The following PLCB1 variants were observed in gnomAD, a reference collection of about 807,000 sequenced individuals.
PLCB1 encodes the protein 1-phosphatidylinositol 4,5-bisphosphate phosphodiesterase beta-1.
PLCB1 carries 46 observed loss-of-function variants against 161.8 expected under a neutral mutation model. That is an observed-to-expected ratio of 0.28 (90% CI 0.22 to 0.36). The LOEUF (loss-of-function observed/expected upper bound fraction) is 0.36. Ranked by LOEUF, PLCB1 falls within the 10% of genes least tolerant of loss-of-function variation. The pLI is 1.00. For missense variants in PLCB1, 1,016 were observed against 1,472.5 expected (o/e 0.69, Z 5.07); for synonymous variants, 517 against 503.7 (o/e 1.03, Z -0.35).
At chr20:8,204,358 A>T (rs1016248716) in intron 2 of PLCB1, among the ~76,000 whole-genome samples, 2 of 152,168 alleles carry the variant, frequency 1.3e-5, no homozygotes, top group African/African-American at 2.4e-5. Context: ...TTGATCATTC[A>T]TCCTGTCATT....
intron 9 of PLCB1, among the ~76,000 whole-genome samples, chr20:8,675,103 G>A (rs1240313605): frequency 6.6e-6 from 1 of 152,100 alleles, no homozygotes; most frequent in Non-Finnish European, 1.5e-5. Context: ...ATTGAATCAA[G>A]TATCAACATA....
chr20:8,568,322 G>A (rs1168544180), intron 3 of PLCB1, among the ~76,000 whole-genome samples: 2 of 152,064 alleles, frequency 1.3e-5, no homozygotes, highest in Non-Finnish European at 2.9e-5. Context: ...TTACTGCGTG[G>A]GCTTTTCTTA....
intron 3 of PLCB1, among the ~76,000 whole-genome samples, chr20:8,409,237 T>C (rs2122504249): frequency 6.6e-6 from 1 of 152,272 alleles, no homozygotes; most frequent in South Asian, 2.1e-4. Context: ...TGCAACTGCC[T>C]ATGACATTCT....
At chr20:8,880,703 C>A (rs568708801) in intron 31 of PLCB1, among the ~76,000 whole-genome samples, 1 of 152,154 alleles carries the variant, frequency 6.6e-6, no homozygotes, top group Admixed American at 6.5e-5. Flanking sequence ...TACTCAGCTT[C>A]TTAGCTTCCC....
At chr20:8,236,060 C>T (rs1400294984) in intron 2 of PLCB1, among the ~76,000 whole-genome samples, 1 of 152,054 alleles carries the variant, frequency 6.6e-6, no homozygotes, top group African/African-American at 2.4e-5. Context: ...GTTTTTCAAA[C>T]TTGGAAAATG....
At chr20:8,294,023 A>G (rs1286840529) in intron 2 of PLCB1, among the ~76,000 whole-genome samples, 1 of 152,162 alleles carries the variant, frequency 6.6e-6, no homozygotes, top group Non-Finnish European at 1.5e-5. Flanking sequence ...GATTAATAGA[A>G]CATCCACTGT....
chr20:8,190,299 A>C (rs2051954206), intron 2 of PLCB1, among the ~76,000 whole-genome samples: 1 of 152,112 alleles, frequency 6.6e-6, no homozygotes, highest in Non-Finnish European at 1.5e-5. Flanking sequence ...TTCTCGGATA[A>C]GTAGTTTCTT....
chr20:8,267,052 G>GA (rs796097080), intron 2 of PLCB1, among the ~76,000 whole-genome samples: 1,698 of 148,266 alleles, frequency 0.011, 30 homozygotes, highest in African/African-American at 0.038. Context: ...AAAAAAAAGG[G>GA]AAAAAAAAAG....
chr20:8,489,260 A>T (rs898523796), intron 3 of PLCB1, among the ~76,000 whole-genome samples: 1 of 152,156 alleles, frequency 6.6e-6, no homozygotes, highest in Non-Finnish European at 1.5e-5. Flanking sequence ...TGCCTAGAGG[A>T]TGGTGTATTT....
At chr20:8,632,081 G>A (rs76909540) in intron 4 of PLCB1, among the ~76,000 whole-genome samples, 16,387 of 108,130 alleles carry the variant, frequency 0.15, 1,189 homozygotes, top group Middle Eastern at 0.29. Flanking sequence ...TGCTGAAAAA[G>A]GTAAGACTTT....
chr20:8,465,221 TG>T (rs1981766346), intron 3 of PLCB1, among the ~76,000 whole-genome samples: 2 of 152,172 alleles, frequency 1.3e-5, no homozygotes, highest in Non-Finnish European at 2.9e-5. Flanking sequence ...GGATGATTTT[TG>T]TTTGCTTCAA....
chr20:8,716,312 G>A lies in PLCB1; in HGVS notation c.1299G>A (p.Gly433=). 1 of 1,614,044 alleles carries A rather than the reference G, an allele frequency of 6.2e-7. No individual in the cohort carries two copies. Among genetic ancestry groups the A allele is most frequent in the Non-Finnish European group, 8.5e-7 (1 of 1,179,936 alleles). Residue 433 remains glycine (G), a synonymous_variant, in exon 13 of 32, where the codon GGG becomes GGA. Coordinates refer to ENST00000338037, the MANE Select transcript of PLCB1 (RefSeq NM_015192.4). ...CGGAGTACTGCCGACTGATCTTTGGGGATGCCCTTCTCATGGAGCCCCTGG... is the reference window on the plus strand; with the variant it reads ...CGGAGTACTGCCGACTGATCTTTGGAGATGCCCTTCTCATGGAGCCCCTGG... The part of the protein sequence containing the change: ...KMAEYCRLIF[G]DALLMEPLEK...
At position 8,338,244 on chromosome 20, in the gene PLCB1, T is replaced by C. The variant is rs539299931; in HGVS notation, c.178-33138T>C. 3.3e-5 allele frequency among the ~76,000 whole-genome samples: 5 copies of C among 152,352 alleles called. No individual in the cohort carries two copies. In the South Asian group the frequency reaches 8.3e-4, roughly 25 times the overall value. ...GGCAGGATTTTAACAATGAGAGGCATGTTAATTATTCACGGAGTTTTGCAC... is the reference window on the plus strand; with the variant it reads ...GGCAGGATTTTAACAATGAGAGGCACGTTAATTATTCACGGAGTTTTGCAC... On this transcript the variant is annotated intron_variant, in intron 2 of 31. Transcript: ENST00000338037.
At chr20:8,747,825 G>T (rs181782816) in intron 23 of PLCB1, among the ~76,000 whole-genome samples, 3 of 151,842 alleles carry the variant, frequency 2.0e-5, no homozygotes, top group Non-Finnish European at 4.4e-5. Context: ...TTCAGTGTAT[G>T]GCCCCAATTT....
At chr20:8,273,089 G>T (rs1982363661) in intron 2 of PLCB1, among the ~76,000 whole-genome samples, 1 of 152,104 alleles carries the variant, frequency 6.6e-6, no homozygotes, top group Non-Finnish European at 1.5e-5. Flanking sequence ...AAGTTTAAGA[G>T]ACAGCAATAA....
At chr20:8,187,931 G>T (rs1399003040) in intron 2 of PLCB1, among the ~76,000 whole-genome samples, 1 of 152,056 alleles carries the variant, frequency 6.6e-6, no homozygotes, top group Non-Finnish European at 1.5e-5. Flanking sequence ...CCACTTTATT[G>T]CTGTATGAAT....
chr20:8,527,182 A>T (rs1008058712), intron 3 of PLCB1, among the ~76,000 whole-genome samples: 20 of 152,236 alleles, frequency 1.3e-4, no homozygotes, highest in Admixed American at 9.2e-4. Flanking sequence ...AAATGGGTAT[A>T]ATTGTATCTT....
At chr20:8,519,294 C>T (rs767433808) in intron 3 of PLCB1, among the ~76,000 whole-genome samples, 5 of 152,002 alleles carry the variant, frequency 3.3e-5, no homozygotes, top group East Asian at 3.9e-4. Flanking sequence ...TAGTAGACAA[C>T]GTGTGTGAGT....
intron 31 of PLCB1, among the ~76,000 whole-genome samples, chr20:8,819,297 A>G (rs1463260678): frequency 2.6e-5 from 4 of 152,198 alleles, no homozygotes; most frequent in Non-Finnish European, 5.9e-5. Flanking sequence ...CATTGAAAGA[A>G]CTATTATTAT....
Sources: allele counts gnomAD v4.1 joint callset (sites outside exome capture counted in the v4.1 genomes callset), GRCh38; gene constraint gnomAD v4.1.1; transcripts MANE v1.5; gene names NCBI Gene and HGNC (gene_info 2026-07-23, HGNC 2026-07-21).